Variants in RIMS2 observed in about 807,000 individuals in gnomAD.
The protein encoded by RIMS2 is regulating synaptic membrane exocytosis protein 2.
RIMS2 carries 59 observed loss-of-function variants against 174.4 expected under a neutral mutation model. The ratio of observed to expected loss-of-function variants is 0.34; its 90% CI spans 0.27 to 0.42. The LOEUF (loss-of-function observed/expected upper bound fraction) is 0.42, where lower values mean the gene tolerates loss of function less well. Among genes scored for constraint, RIMS2 ranks in the 10% least tolerant of loss-of-function variants. The pLI is 1.00. For missense variants in RIMS2, 1,620 were observed against 1,666.3 expected, an observed-to-expected ratio of 0.97 and a Z score of 0.48; for synonymous variants, 606 against 572.5, an observed-to-expected ratio of 1.06 and a Z score of -0.84.
intron 13 of RIMS2, among the ~76,000 whole-genome samples, chr8:103,939,211 A>C (rs905403871): frequency 3.3e-5 from 5 of 152,220 alleles, no homozygotes; most frequent in Admixed American, 2.0e-4. Context: ...CCACCCCAGC[A>C]ACAAACTTTT....
chr8:104,158,304 A>G (rs1168696536), intron 19 of RIMS2, among the ~76,000 whole-genome samples: 1 of 151,916 alleles, frequency 6.6e-6, no homozygotes, highest in Non-Finnish European at 1.5e-5. Flanking sequence ...TTATTGATGG[A>G]CCTTTGGGTT....
At chr8:103,544,363 A>G (rs1203925780) in intron 1 of RIMS2, among the ~76,000 whole-genome samples, 1 of 152,164 alleles carries the variant, frequency 6.6e-6, no homozygotes, top group Admixed American at 6.5e-5. Flanking sequence ...GTCCTGGGAA[A>G]TAACTGTGTA....
chr8:103,624,994 C>T (rs1425536845), intron 1 of RIMS2, among the ~76,000 whole-genome samples: 2 of 152,084 alleles, frequency 1.3e-5, no homozygotes, highest in Non-Finnish European at 2.9e-5. Flanking sequence ...AGCATTTTTA[C>T]TTTTTAAATA....
intron 1 of RIMS2, among the ~76,000 whole-genome samples, chr8:103,639,962 A>G (rs982936580): frequency 1.3e-5 from 2 of 151,936 alleles, no homozygotes; most frequent in African/African-American, 2.4e-5. Context: ...GAGTCTTTCT[A>G]TTCATGAACA....
chr8:103,809,264 ATT>A (rs1306035358), intron 3 of RIMS2, among the ~76,000 whole-genome samples: 5 of 140,020 alleles, frequency 3.6e-5, no homozygotes, highest in African/African-American at 7.8e-5. Flanking sequence ...TCTTGAATCT[ATT>A]TTTTTTTTTT....
At chr8:104,093,740 T>C in intron 19 of RIMS2, 97 bp downstream of exon 24, 1 of 951,676 alleles carries the variant, frequency 1.1e-6, no homozygotes, top group Non-Finnish European at 1.5e-6. Flanking sequence ...AACAGGTTAA[T>C]ATATATTTTA....
intron 2 of RIMS2, among the ~76,000 whole-genome samples, chr8:103,711,485 T>C (rs1281225972): frequency 1.3e-5 from 2 of 152,208 alleles, no homozygotes; most frequent in East Asian, 1.9e-4. Context: ...CTCTTTTTGA[T>C]AGAAAGCCAG....
chr8:103,807,853 C>T (rs1486159609), intron 3 of RIMS2, among the ~76,000 whole-genome samples: 6 of 152,040 alleles, frequency 3.9e-5, no homozygotes, highest in Admixed American at 2.6e-4. Context: ...TTTGATTAAT[C>T]CTGATCTCTG....
chr8:103,687,977 T>C (rs2096963255), intron 1 of RIMS2, among the ~76,000 whole-genome samples: 1 of 152,142 alleles, frequency 6.6e-6, no homozygotes, highest in Non-Finnish European at 1.5e-5. Context: ...AACATAGGAA[T>C]ATGGATATCT....
chr8:103,829,664 A>G (rs763224722), intron 3 of RIMS2, among the ~76,000 whole-genome samples: 4 of 152,114 alleles, frequency 2.6e-5, no homozygotes, highest in African/African-American at 4.8e-5. Flanking sequence ...TTGAATACAC[A>G]TGGACACAAA....
intron 1 of RIMS2, among the ~76,000 whole-genome samples, chr8:103,506,715 C>A (rs1823826936): frequency 6.6e-6 from 1 of 152,082 alleles, no homozygotes. Context: ...TTGAGAGATT[C>A]TTTTCCTTGT....
At chr8:103,597,145 AAAG>A (rs1241423949) in intron 1 of RIMS2, among the ~76,000 whole-genome samples, 13 of 152,184 alleles carry the variant, frequency 8.5e-5, no homozygotes, top group African/African-American at 2.7e-4. Flanking sequence ...CATTCTAATA[AAAG>A]AAGATCAAAT....
chr8:104,116,691 A>G (rs1367518155), intron 19 of RIMS2, among the ~76,000 whole-genome samples: 1 of 152,170 alleles, frequency 6.6e-6, no homozygotes, highest in Non-Finnish European at 1.5e-5. Flanking sequence ...GATGGTTTCA[A>G]TTTTGTTTTT....
intron 19 of RIMS2, among the ~76,000 whole-genome samples, chr8:104,188,225 A>AGATAGATC (rs1554594253): frequency 8.8e-6 from 1 of 113,554 alleles, no homozygotes; most frequent in African/African-American, 3.2e-5. Context: ...TTGTTCAGAT[A>AGATAGATC]GATAGATAGA....
At chr8:103,847,359 C>T (rs2098973423) in intron 3 of RIMS2, among the ~76,000 whole-genome samples, 1 of 152,048 alleles carries the variant, frequency 6.6e-6, no homozygotes, top group South Asian at 2.1e-4. Flanking sequence ...TGCAAGGTGT[C>T]CACTGTAAGC....
intron 8 of RIMS2, among the ~76,000 whole-genome samples, chr8:103,917,555 T>C (rs185166503): frequency 3.9e-5 from 6 of 152,182 alleles, no homozygotes; most frequent in Admixed American, 3.3e-4. Flanking sequence ...TTTTAAAGAA[T>C]TTATAGTTCT....
At chr8:103,610,681 A>G (rs983954476) in intron 1 of RIMS2, among the ~76,000 whole-genome samples, 9 of 152,150 alleles carry the variant, frequency 5.9e-5, no homozygotes, top group African/African-American at 1.9e-4. Context: ...GCTAAAACCA[A>G]TTTGATTGTG....
chr8:103,766,162 T>A, intron 2 of RIMS2, 65 bp from the exon 6 acceptor site: 2 of 1,172,292 alleles, frequency 1.7e-6, no homozygotes, highest in Middle Eastern at 2.9e-4. Flanking sequence ...TGAATTTTTG[T>A]CTCTTTTTAT....
At chr8:103,573,548 G>T (rs757760119) in intron 1 of RIMS2, among the ~76,000 whole-genome samples, 1 of 151,956 alleles carries the variant, frequency 6.6e-6, no homozygotes, top group Non-Finnish European at 1.5e-5. Flanking sequence ...CTTTGTTTTT[G>T]GGTTCTCTAT....
Sources: gnomAD v4.1 joint callset for allele counts (sites outside exome capture counted in the v4.1 genomes callset) on GRCh38, gnomAD v4.1.1 for gene constraint, MANE v1.5 for transcripts, NCBI Gene and HGNC (gene_info 2026-07-23, HGNC 2026-07-21) for gene names.